Variants in EFCAB8 observed in about 807,000 individuals in gnomAD.
The protein encoded by EFCAB8 is EF-hand calcium binding domain 8.
A neutral mutation model predicts 116.3 loss-of-function variants in EFCAB8; 100 were observed. That is an observed-to-expected ratio of 0.86 (90% confidence interval 0.73 to 1.02). The LOEUF (loss-of-function observed/expected upper bound fraction) is 1.02. Ranked by LOEUF, EFCAB8 falls within the 50% of genes least tolerant of loss-of-function variation. EFCAB8 has a pLI of 0.00. For missense variants in EFCAB8, 1,320 were observed against 1,416.9 expected, an observed-to-expected ratio of 0.93 and a Z score of 1.10; for synonymous variants, 558 against 567.9, an observed-to-expected ratio of 0.98 and a Z score of 0.25.
intron 1 of EFCAB8, among the ~76,000 whole-genome samples, chr20:32,863,429 A>G (rs1203253362): frequency 2.0e-5 from 3 of 152,160 alleles, no homozygotes; most frequent in Non-Finnish European, 4.4e-5. Flanking sequence ...GGACTACCAC[A>G]TGGCCTCCTA....
At chr20:32,901,834 C>T (rs1318128638) in intron 11 of EFCAB8, among the ~76,000 whole-genome samples, 3 of 152,134 alleles carry the variant, frequency 2.0e-5, no homozygotes, top group Admixed American at 6.5e-5. Flanking sequence ...ATTACAGGCA[C>T]GCGCCATCAT....
intron 11 of EFCAB8, among the ~76,000 whole-genome samples, chr20:32,904,234 C>T (rs1014110374): frequency 1.1e-4 from 16 of 149,866 alleles, no homozygotes; most frequent in Admixed American, 2.7e-4. Context: ...CTCAAGGGAT[C>T]CTCCTGCCTC....
intron 5 of EFCAB8, among the ~76,000 whole-genome samples, chr20:32,882,446 C>T (rs1367502660): frequency 2.0e-5 from 3 of 152,224 alleles, no homozygotes; most frequent in African/African-American, 7.2e-5. Context: ...GGCTCATAGC[C>T]TGTGAGTATC....
intron 9 of EFCAB8, 47 bp from the exon 10 acceptor site, chr20:32,896,407 G>A (rs769813529): frequency 2.1e-5 from 15 of 710,918 alleles, no homozygotes; most frequent in Non-Finnish European, 3.4e-5. Flanking sequence ...CTTGCCAAGC[G>A]AAGGGGGAAA....
intron 6 of EFCAB8, among the ~76,000 whole-genome samples, chr20:32,887,651 C>T (rs890300837): frequency 2.6e-5 from 4 of 152,194 alleles, no homozygotes; most frequent in Non-Finnish European, 4.4e-5. Context: ...AACTCTAAGC[C>T]GAGTGGGCTG....
chr20:32,959,747 G>T lies in EFCAB8; in HGVS notation c.3090-31G>T. On this transcript the variant is annotated intron_variant, in intron 24 of 26. Transcript: ENST00000400522. The stretch of plus-strand genomic sequence containing the variant: ...GGGTCACCCTGCTTTGCAGTGGGGG[G>T]ACATCTTGTGAAGGAAAGCCCCCAC... 5 of 1,435,266 alleles carry T rather than the reference G, an allele frequency of 3.5e-6. No homozygotes were observed. In the South Asian group the frequency reaches 5.9e-5, roughly 17 times the overall value. 88.9% of individuals were successfully genotyped at this position (1,435,266 alleles called of 1,614,324 possible). A position where few individuals can be genotyped will look rare whatever the true frequency, so the allele number is the denominator to read the frequency against.
chr20:32,896,552 GT>G (rs1405134701), intron 10 of EFCAB8, 25 bp downstream of exon 10: 10 of 717,956 alleles, frequency 1.4e-5, no homozygotes, highest in Non-Finnish European at 2.6e-5. Flanking sequence ...TCCTTGGCCT[GT>G]TACAATGGTA....
intron 23 of EFCAB8, among the ~76,000 whole-genome samples, chr20:32,945,834 C>T (rs928905564): frequency 2.0e-5 from 3 of 152,146 alleles, no homozygotes; most frequent in Non-Finnish European, 4.4e-5. Context: ...CATGTAAATT[C>T]GCAATTACAG....
intron 20 of EFCAB8, among the ~76,000 whole-genome samples, chr20:32,924,923 T>G (rs140345370): frequency 0.012 from 1,782 of 152,208 alleles, 34 homozygotes; most frequent in African/African-American, 0.041. Flanking sequence ...GTCCCTTCTC[T>G]CTGGGGCACT....
chr20:32,911,568 A>G lies in EFCAB8; in HGVS notation c.1646A>G (p.Gln549Arg). Reference protein sequence around the residue: ...KTMEFAVSGGQHVEMTAMALD... With the variant: ...KTMEFAVSGGRHVEMTAMALD... ...ATGGAGTTTGCTGTGTCTGGGGGCC[A>G]GCACGTGGAGATGACCGCCATGGCC... The change falls in exon 16 of 27, where the codon CAG becomes CGG. Residue 549 changes from glutamine to arginine, a missense_variant. Transcript: ENST00000400522. 6.5e-7 allele frequency: 1 copy of G among 1,545,976 alleles called. No individual in the cohort carries two copies. Among genetic ancestry groups the G allele is most frequent in the Non-Finnish European group, 8.7e-7 (1 of 1,142,952 alleles).
At chr20:32,946,100 A>G (rs1988587961) in intron 23 of EFCAB8, among the ~76,000 whole-genome samples, 1 of 152,184 alleles carries the variant, frequency 6.6e-6, no homozygotes, top group South Asian at 2.1e-4. Context: ...TTCTCTACTC[A>G]TTCCACAGAG....
intron 6 of EFCAB8, among the ~76,000 whole-genome samples, chr20:32,885,987 A>G (rs1176287951): frequency 6.6e-6 from 1 of 152,122 alleles, no homozygotes; most frequent in Admixed American, 6.5e-5. Flanking sequence ...CTCCTGTGCT[A>G]GGGGTCAGCC....
intron 5 of EFCAB8, 102 bp downstream of exon 5, chr20:32,878,909 T>A: frequency 1.0e-6 from 1 of 995,948 alleles, no homozygotes; most frequent in African/African-American, 1.6e-5. Context: ...TTGCTGGTGC[T>A]GACCAGGGGC....
At chr20:32,870,238 G>T (rs1984621213) in intron 3 of EFCAB8, among the ~76,000 whole-genome samples, 3 of 152,184 alleles carry the variant, frequency 2.0e-5, no homozygotes, top group Admixed American at 2.0e-4. Flanking sequence ...CAATGTCATT[G>T]TTTGCAGCCA....
rs770056631 is a variant in EFCAB8 at position 32,959,996 on chromosome 20, G to A, written c.3294+14G>A. The A allele has an allele frequency of 1.9e-6, 3 of 1,551,496 alleles. No individual in the cohort carries two copies. The highest frequency in any genetic ancestry group is 4.9e-5 in the East Asian group (2 of 40,904). On this transcript the variant is annotated intron_variant, in intron 25 of 26. Coordinates refer to ENST00000400522, the MANE Select transcript of EFCAB8 (RefSeq NM_001143967.2). The stretch of plus-strand genomic sequence containing the variant: ...AGGGACAAGCAGGTGAGGCTGGGAG[G>A]GGAGCACAGGGAGGAGTGCAGGGAC...
Position 32,918,507 on chromosome 20 carries a change from T to A in EFCAB8, c.2207T>A (p.Leu736Gln). The A allele has an allele frequency of 6.4e-7, 1 of 1,551,652 alleles. No homozygotes were observed. The change falls in exon 19 of 27, where the codon CTG (leucine) becomes CAG (glutamine). Residue 736 changes from leucine to glutamine, a missense_variant. Leu to Gln is a moderately radical substitution (Grantham distance 113). Coordinates refer to ENST00000400522, the MANE Select transcript of EFCAB8 (RefSeq NM_001143967.2). ...GCCAATACCAACCTGAGGCGGAGCC[T>A]GGTGTCGGCTCCCCCAGTGATGCGG... ...SVANTNLRRS[L>Q]VSAPPVMRCP...
intron 5 of EFCAB8, among the ~76,000 whole-genome samples, chr20:32,880,289 G>A (rs1358872238): frequency 1.4e-5 from 2 of 146,170 alleles, no homozygotes; most frequent in African/African-American, 2.5e-5. Flanking sequence ...TTTTTTTTGA[G>A]ACAGAGTCTC....
chr20:32,951,976 G>C (rs895676461), intron 23 of EFCAB8, among the ~76,000 whole-genome samples: 4 of 152,154 alleles, frequency 2.6e-5, no homozygotes, highest in Non-Finnish European at 5.9e-5. Context: ...TTGAAGATCA[G>C]TGGCCAGGCA....
chr20:32,885,378 G>A (rs1985564791), intron 5 of EFCAB8, 127 bp from the exon 6 acceptor site: 16 of 1,274,466 alleles, frequency 1.3e-5, no homozygotes, highest in Non-Finnish European at 1.7e-5. Flanking sequence ...GTGCGCATGT[G>A]CGTGCGTGTG....
Sources: allele counts gnomAD v4.1 joint callset (sites outside exome capture counted in the v4.1 genomes callset), GRCh38; gene constraint gnomAD v4.1.1; transcripts MANE v1.5; gene names NCBI Gene and HGNC (gene_info 2026-07-23, HGNC 2026-07-21).